TIGD6: variants seen among roughly 807,000 people sequenced by gnomAD.
The protein encoded by TIGD6 is tigger transposable element-derived protein 6.
A neutral mutation model predicts 2.6 loss-of-function variants in TIGD6; 1 was observed. The ratio of observed to expected loss-of-function variants is 0.39; its 90% CI spans 0.14 to 1.85. TIGD6 has a LOEUF of 1.85. TIGD6 is among the 40% of genes most tolerant of loss of function. TIGD6 has a pLI of 0.32. For synonymous variants in TIGD6, 193 were observed against 221.9 expected (o/e 0.87, Z 1.16); for missense variants, 601 against 634.2 (o/e 0.95, Z 0.56).
chr5:149,996,486 G>A, intron 1 of TIGD6, 57 bp from the exon 2 acceptor site: 1 of 1,279,500 alleles, frequency 7.8e-7, no homozygotes, highest in South Asian at 1.7e-5. Context: ...CTAAAAGATG[G>A]TTCAGGATTT....
chr5:150,000,446 A>C (rs1755517487), intron 1 of TIGD6, 28 bp downstream of exon 1: 1 of 154,082 alleles, frequency 6.5e-6, no homozygotes, highest in Non-Finnish European at 1.5e-5. Flanking sequence ...TAGATCCCTC[A>C]CGCTCAGCAC....
Position 149,994,955 on chromosome 5 carries a change from G to A in TIGD6, c.1394C>T (p.Thr465Ile), listed in dbSNP as rs147969507. The A allele has an allele frequency of 4.1e-5, 66 of 1,612,544 alleles. No homozygotes were observed. In the African/African-American group the frequency reaches 7.9e-4, roughly 19 times the overall value. ...TACACTTGATATGGCTTCTGTGATG[G>A]TGACTTTTGGTTGCTCTGGTAAAGA... ...EVSLPEQPKV[T>I]ITEAISSVQK... is the part of the protein sequence containing the mutation. The change falls in exon 2 of 2, where the codon ACC (threonine) becomes ATC (isoleucine). Residue 465 changes from threonine (T) to isoleucine (I), a missense_variant. Physicochemically the swap from Thr to Ile is moderately conservative, Grantham distance 89. Transcript: ENST00000296736.
Position 149,994,019 on chromosome 5 carries a change from A to C in TIGD6, c.*764T>G, listed in dbSNP as rs547174595. ...AAGAGCTCTAGAGTAAGAACAGTTG[A>C]TTCTTTTTTTAACAATTAGTGATGG... On this transcript the variant is annotated 3_prime_UTR_variant, in exon 2 of 2. Transcript: ENST00000296736. 6.6e-6 allele frequency: 1 copy of C among 152,374 alleles called. No homozygotes were observed. Among genetic ancestry groups the C allele is most frequent in the South Asian group, 2.1e-4 (1 of 4,830 alleles). The allele number at this position is 152,374 out of a possible 1,614,324, so 9.4% of individuals were successfully genotyped here.
Position 149,993,169 on chromosome 5 carries a change from A to C in TIGD6, c.*1614T>G, listed in dbSNP as rs2113707190. 6.6e-6 allele frequency: 1 copy of C among 152,338 alleles called. No individual in the cohort carries two copies. Among genetic ancestry groups the C allele is most frequent in the South Asian group, 2.1e-4 (1 of 4,828 alleles). The allele number at this position is 152,338 out of a possible 1,614,324, so 9.4% of individuals were successfully genotyped here. The stretch of plus-strand genomic sequence containing the variant: ...TATTAAAAGAAAAAATATCCAAAAT[A>C]AGCTATAAAATAATCTATTTAAACA... On this transcript the variant is annotated 3_prime_UTR_variant, in exon 2 of 2. Transcript: ENST00000296736.
At position 149,995,284 on chromosome 5, in the gene TIGD6, C is replaced by A. The variant is rs943779839; in HGVS notation, c.1065G>T (p.Met355Ile). 1.2e-6 allele frequency: 2 copies of A among 1,611,456 alleles called. No individual in the cohort carries two copies. Among genetic ancestry groups the A allele is most frequent in the African/African-American group, 1.3e-5 (1 of 74,350 alleles). Reference sequence around the variant, plus strand: ...TGACTGACCACCACGCTGCAGCAATCATGTCGATGGCCTGCTTGATGTCCA... The same window carrying A: ...TGACTGACCACCACGCTGCAGCAATAATGTCGATGGCCTGCTTGATGTCCA... The part of the protein sequence containing the change: ...EEVDIKQAID[M>I]IAAAWWSVKP... The change falls in exon 2 of 2, where the codon ATG (methionine) becomes ATT (isoleucine). Residue 355 changes from methionine to isoleucine, a missense_variant. Transcript: ENST00000296736.
intron 1 of TIGD6, 40 bp downstream of exon 1, chr5:150,000,434 C>T (rs900690450): frequency 1.3e-5 from 2 of 154,048 alleles, no homozygotes; most frequent in Non-Finnish European, 2.9e-5. Flanking sequence ...TGAGGCGGGG[C>T]CTAGATCCCT....
At chr5:149,998,449 G>C (rs1755451580) in intron 1 of TIGD6, among the ~76,000 whole-genome samples, 1 of 152,090 alleles carries the variant, frequency 6.6e-6, no homozygotes, top group South Asian at 2.1e-4. Context: ...CTAGATAGGT[G>C]CTTCAAACTC....
At position 149,994,839 on chromosome 5, in the gene TIGD6, T is replaced by G. The variant is rs1431438115; in HGVS notation, c.1510A>C (p.Arg504=). Residue 504 remains arginine (R), a synonymous_variant, in exon 2 of 2, where the codon AGA becomes CGA. Coordinates refer to ENST00000296736, the MANE Select transcript of TIGD6 (RefSeq NM_030953.4). ...LNGIDEYLMK[R]VTQTLIDSKI... is the part of the protein sequence containing the mutation. ...GAATCAATAAGGGTTTGTGTCACTCTTTTCATTAAATATTCATCTATGCCA... is the reference window on the plus strand; with the variant it reads ...GAATCAATAAGGGTTTGTGTCACTCGTTTCATTAAATATTCATCTATGCCA... 1 of 1,577,236 alleles carries G rather than the reference T, an allele frequency of 6.3e-7. No homozygotes were observed. The highest frequency in any genetic ancestry group is 8.6e-7 in the Non-Finnish European group (1 of 1,160,522).
intron 1 of TIGD6, among the ~76,000 whole-genome samples, chr5:149,998,487 CGTAA>C (rs781163679): frequency 2.0e-5 from 3 of 152,024 alleles, no homozygotes; most frequent in South Asian, 2.1e-4. Flanking sequence ...AGGATGGTGG[CGTAA>C]GTGAGTGAAA....
Position 150,000,545 on chromosome 5 carries a change from C to G in TIGD6, c.-153G>C, listed in dbSNP as rs1755522902. 1 of 154,956 alleles carries G rather than the reference C, an allele frequency of 6.5e-6. No individual in the cohort carries two copies. Among genetic ancestry groups the G allele is most frequent in the African/African-American group, 2.4e-5 (1 of 41,546 alleles). The allele number at this position is 154,956 out of a possible 1,614,324, so 9.6% of individuals were successfully genotyped here. On this transcript the variant is annotated 5_prime_UTR_variant, in exon 1 of 2. Transcript: ENST00000296736. ...CCACCGCCGGCAGCCACAGCTTCCT[C>G]CTCCGCCCGGGACCTCTGGCCGGAA...
intron 1 of TIGD6, among the ~76,000 whole-genome samples, chr5:149,999,502 G>T (rs1359218477): frequency 1.3e-5 from 2 of 152,156 alleles, no homozygotes; most frequent in Admixed American, 6.5e-5. Context: ...GTAGTAGTCA[G>T]TCTGGGGCTA....
chr5:149,996,126 A>G lies in TIGD6; in HGVS notation c.223T>C (p.Tyr75His), dbSNP rs1282303185. The G allele has an allele frequency of 2.5e-6, 4 of 1,613,786 alleles. No individual in the cohort carries two copies. Among genetic ancestry groups the G allele is most frequent in the Admixed American group, 1.7e-5 (1 of 60,018 alleles). ...PQRKRMRSALYDDIDKAVFAW... is the reference protein window; with the variant it reads ...PQRKRMRSALHDDIDKAVFAW... ...AAAACAGCCTTATCAATGTCATCATAAAGAGCGCTCCTCATCCTTTTCCGC... is the reference window on the plus strand; with the variant it reads ...AAAACAGCCTTATCAATGTCATCATGAAGAGCGCTCCTCATCCTTTTCCGC... Residue 75 changes from tyrosine to histidine, a missense_variant, in exon 2 of 2, where the codon TAT becomes CAT. Physicochemically the swap from Tyr to His is moderately conservative, Grantham distance 83. Coordinates refer to ENST00000296736, the MANE Select transcript of TIGD6 (RefSeq NM_030953.4).
In TIGD6 at chr5:149,994,678, C is replaced by G; in HGVS notation, c.*105G>C. 2.6e-6 allele frequency: 3 copies of G among 1,141,160 alleles called. No individual in the cohort carries two copies. Among genetic ancestry groups the G allele is most frequent in the South Asian group, 3.7e-5 (2 of 53,456 alleles). The allele number at this position is 1,141,160 out of a possible 1,614,324, so 70.7% of individuals were successfully genotyped here. On this transcript the variant is annotated 3_prime_UTR_variant, in exon 2 of 2. Transcript: ENST00000296736. ...GAAGTTTCCTGGCTATTTCAGAGTA[C>G]TGGAATGTTGTCACAATAACATTGC... is the stretch of plus-strand genomic sequence containing the variant.
intron 1 of TIGD6, among the ~76,000 whole-genome samples, chr5:149,998,642 G>A (rs1196651467): frequency 6.6e-6 from 1 of 152,192 alleles, no homozygotes; most frequent in Non-Finnish European, 1.5e-5. Flanking sequence ...TGCCTTCGTA[G>A]GCATTTTATC....
chr5:150,000,514 G>C lies in TIGD6; in HGVS notation c.-122C>G, dbSNP rs980380812. 7.1e-5 allele frequency: 11 copies of C among 154,848 alleles called. No individual in the cohort carries two copies. Among genetic ancestry groups the C allele is most frequent in the African/African-American group, 2.2e-4 (9 of 41,500 alleles). The allele number at this position is 154,848 out of a possible 1,614,324, so 9.6% of individuals were successfully genotyped here. A position where few individuals can be genotyped will look rare whatever the true frequency, so the allele number is the denominator to read the frequency against. ...CAGTGCCCGGGGGCTGAGCGGCCGG[G>C]GCGTCCCACCGCCGGCAGCCACAGC... is the stretch of plus-strand genomic sequence containing the variant. On this transcript the variant is annotated 5_prime_UTR_variant, in exon 1 of 2. Transcript: ENST00000296736.
chr5:149,995,132 G>A lies in TIGD6; in HGVS notation c.1217C>T (p.Ala406Val), dbSNP rs143515811. Reference protein sequence around the residue: ...IAIEKLWHTVAIATCVPNEVN... With the variant: ...IAIEKLWHTVVIATCVPNEVN... ...TTCATTTGGGACACAGGTGGCAATA[G>A]CCACTGTGTGCCACAACTTTTCAAT... The change falls in exon 2 of 2, where the codon GCT (alanine) becomes GTT (valine). Residue 406 changes from alanine (A) to valine (V), a missense_variant. Physicochemically the swap from Ala to Val is moderately conservative, Grantham distance 64. Transcript: ENST00000296736. 1 of 1,614,116 alleles carries A rather than the reference G, an allele frequency of 6.2e-7. No individual in the cohort carries two copies. Among genetic ancestry groups the A allele is most frequent in the Admixed American group, 1.7e-5 (1 of 60,006 alleles).
In TIGD6 at chr5:149,995,496, T is replaced by A; in HGVS notation, c.853A>T (p.Asn285Tyr). 6.2e-7 allele frequency: 1 copy of A among 1,614,262 alleles called. No homozygotes were observed. The highest frequency in any genetic ancestry group is 1.1e-5 in the South Asian group (1 of 91,086). ...GGAAGCATGTTATGAGCAGAGCAGT[T>A]GTCTATGAGCAAGAGGATCCGGCGT... is the stretch of plus-strand genomic sequence containing the variant. ...AERRILLLID[N>Y]CSAHNMLPHL... The change falls in exon 2 of 2, where the codon AAC (asparagine) becomes TAC (tyrosine). Residue 285 changes from asparagine to tyrosine, a missense_variant. Asn to Tyr is a moderately radical substitution (Grantham distance 143). Transcript: ENST00000296736.
Position 149,994,777 on chromosome 5 carries a change from C to A in TIGD6, c.*6G>T. 1 of 1,502,594 alleles carries A rather than the reference C, an allele frequency of 6.7e-7. No homozygotes were observed. 93.1% of individuals were successfully genotyped at this position (1,502,594 alleles called of 1,614,324 possible). On this transcript the variant is annotated 3_prime_UTR_variant, in exon 2 of 2. Transcript: ENST00000296736. ...TAAACTACATTTTCTGAAATAAATT[C>A]CTGCATTATTTTGTTTGGAGGAAAT...
intron 1 of TIGD6, 103 bp from the exon 2 acceptor site, chr5:149,996,532 A>G (rs1755396150): frequency 1.3e-6 from 1 of 783,826 alleles, no homozygotes; most frequent in Non-Finnish European, 1.9e-6. Flanking sequence ...ATTTACAGTC[A>G]AAGTAAAGAA....
Sources: gnomAD v4.1 joint callset for allele counts (sites outside exome capture counted in the v4.1 genomes callset) on GRCh38, gnomAD v4.1.1 for gene constraint, MANE v1.5 for transcripts, NCBI Gene and HGNC (gene_info 2026-07-23, HGNC 2026-07-21) for gene names.